The following ZNF532 variants were observed in gnomAD, a reference collection of about 807,000 sequenced individuals.
The protein encoded by ZNF532 is zinc finger protein 532.
A neutral mutation model predicts 89.3 loss-of-function variants in ZNF532; 22 were observed. That is an observed-to-expected ratio of 0.25 (90% CI 0.18 to 0.35). The LOEUF (loss-of-function observed/expected upper bound fraction) is 0.35. Ranked by LOEUF, ZNF532 falls within the 10% of genes least tolerant of loss-of-function variation. The pLI is 1.00. For missense variants in ZNF532, 1,132 were observed against 1,643.4 expected (o/e 0.69, Z 5.38); for synonymous variants, 606 against 649.6 (o/e 0.93, Z 1.02).
At chr18:58,874,621 G>A (rs1238755021) in intron 2 of ZNF532, among the ~76,000 whole-genome samples, 1 of 152,200 alleles carries the variant, frequency 6.6e-6, no homozygotes, top group East Asian at 1.9e-4. Flanking sequence ...GATTACAGGC[G>A]TGAGCCACTG....
chr18:58,931,809 G>T (rs906639064), intron 3 of ZNF532: 1 of 152,036 alleles, frequency 6.6e-6, no homozygotes, highest in African/African-American at 2.4e-5. Flanking sequence ...GTGTGGTGGC[G>T]TGTGCCTGTG....
intron 2 of ZNF532, among the ~76,000 whole-genome samples, chr18:58,880,758 G>A (rs1254108818): frequency 1.5e-5 from 2 of 137,566 alleles, no homozygotes; most frequent in African/African-American, 6.2e-5. Context: ...ATAGGCGCGC[G>A]CGCACGCGCG....
intron 7 of ZNF532, among the ~76,000 whole-genome samples, chr18:58,967,198 A>G (rs903905613): frequency 1.3e-5 from 2 of 152,164 alleles, no homozygotes; most frequent in Non-Finnish European, 2.9e-5. Flanking sequence ...GAGGGTCCCC[A>G]ACAGAACCAA....
At chr18:58,927,452 T>G (rs904988247) in intron 3 of ZNF532, among the ~76,000 whole-genome samples, 3 of 152,090 alleles carry the variant, frequency 2.0e-5, no homozygotes, top group Non-Finnish European at 4.4e-5. Flanking sequence ...TTGGGAATTT[T>G]TTTTTGTCTC....
intron 2 of ZNF532, among the ~76,000 whole-genome samples, chr18:58,884,205 C>G (rs1279399228): frequency 6.6e-6 from 1 of 152,210 alleles, no homozygotes; most frequent in Non-Finnish European, 1.5e-5. Context: ...ATGGTGAAAC[C>G]CTGTCTCTAC....
intron 2 of ZNF532, among the ~76,000 whole-genome samples, chr18:58,901,180 C>G (rs1432562846): frequency 1.3e-5 from 2 of 152,150 alleles, no homozygotes; most frequent in Non-Finnish European, 2.9e-5. Flanking sequence ...TCTGTTTGAC[C>G]TGAACTTCTC....
Position 58,872,337 on chromosome 18 carries a change from C to G in ZNF532, c.-18+6758C>G, listed in dbSNP as rs903166124. 3.9e-5 allele frequency among the ~76,000 whole-genome samples: 6 copies of G among 152,160 alleles called. No individual in the cohort carries two copies. The East Asian group carries it at 9.6e-4, about 24-fold the overall frequency. Reference sequence around the variant, plus strand: ...TCTTGAACTGTTTTCTTACCATCAGCCTTTGCATTTTGGGACACAAACTCC... The same window carrying G: ...TCTTGAACTGTTTTCTTACCATCAGGCTTTGCATTTTGGGACACAAACTCC... On this transcript the variant is annotated intron_variant, in intron 2 of 9. Transcript: ENST00000591808.
intron 9 of ZNF532, among the ~76,000 whole-genome samples, chr18:58,982,677 A>T (rs1375182512): frequency 6.6e-6 from 1 of 152,222 alleles, no homozygotes; most frequent in Non-Finnish European, 1.5e-5. Context: ...CTTCGGTGCT[A>T]TGCTAGATCT....
At chr18:58,916,358 T>C (rs1448150683) in intron 2 of ZNF532, among the ~76,000 whole-genome samples, 2 of 152,216 alleles carry the variant, frequency 1.3e-5, no homozygotes, top group East Asian at 3.8e-4. Flanking sequence ...AAAACCATAA[T>C]CACAGACTTT....
chr18:58,950,198 G>A (rs1243943473), intron 6 of ZNF532, among the ~76,000 whole-genome samples: 1 of 152,116 alleles, frequency 6.6e-6, no homozygotes. Flanking sequence ...TCTGGAAGTC[G>A]GGTCATCGAC....
At chr18:58,944,257 C>T (rs951268202) in intron 5 of ZNF532, among the ~76,000 whole-genome samples, 1 of 152,122 alleles carries the variant, frequency 6.6e-6, no homozygotes, top group African/African-American at 2.4e-5. Context: ...TTGAAGTATT[C>T]TGGAGAGTTT....
chr18:58,943,158 C>CTTTTTT (rs11289347), intron 5 of ZNF532, among the ~76,000 whole-genome samples: 3 of 123,102 alleles, frequency 2.4e-5, no homozygotes, highest in Non-Finnish European at 5.0e-5. Context: ...ATTACTATAT[C>CTTTTTT]TTTTTTTTTT....
intron 2 of ZNF532, among the ~76,000 whole-genome samples, chr18:58,870,601 C>G (rs1440599809): frequency 6.6e-6 from 1 of 152,068 alleles, no homozygotes; most frequent in African/African-American, 2.4e-5. Context: ...TACAAAGGTC[C>G]TGTGGCAGCC....
At chr18:58,891,010 C>T (rs2058859196) in intron 2 of ZNF532, among the ~76,000 whole-genome samples, 1 of 152,062 alleles carries the variant, frequency 6.6e-6, no homozygotes, top group Non-Finnish European at 1.5e-5. Flanking sequence ...ATCGGGCTAA[C>T]TGGGTTCAAG....
chr18:58,923,211 C>T (rs1042432726), intron 3 of ZNF532, among the ~76,000 whole-genome samples: 8 of 151,942 alleles, frequency 5.3e-5, no homozygotes, highest in South Asian at 4.2e-4. Context: ...CAGCGAAGGG[C>T]GTTGGTTTGT....
chr18:58,964,535 T>TTGTG (rs200298951), intron 7 of ZNF532, among the ~76,000 whole-genome samples: 1,942 of 138,606 alleles, frequency 0.014, 14 homozygotes, highest in Admixed American at 0.023. Flanking sequence ...GATATTTTGT[T>TTGTG]TGTGTGTGTG....
intron 5 of ZNF532, among the ~76,000 whole-genome samples, chr18:58,946,146 A>G (rs751382107): frequency 6.3e-4 from 96 of 152,256 alleles, no homozygotes; most frequent in Non-Finnish European, 1.3e-3. Context: ...TGACAATCCT[A>G]TGCCTTCTCT....
Position 58,934,382 on chromosome 18 carries a change from T to G in ZNF532, c.2347-51T>G, listed in dbSNP as rs761229780. The G allele has an allele frequency of 5.2e-6, 8 of 1,533,294 alleles. No homozygotes were observed. The Admixed American group carries it at 1.5e-4, about 28-fold the overall frequency. The allele number at this position is 1,533,294 out of a possible 1,614,324, so 95.0% of individuals were successfully genotyped here. A position where few individuals can be genotyped will look rare whatever the true frequency, so the allele number is the denominator to read the frequency against. On this transcript the variant is annotated intron_variant, in intron 3 of 9. Coordinates refer to ENST00000591808, the MANE Select transcript of ZNF532 (RefSeq NM_001375912.1). Reference sequence around the variant, plus strand: ...AGGTTTAACCAAGGTTCTTTGCATATTAGAAAGTACTTAGTAGGACCAACC... The same window carrying G: ...AGGTTTAACCAAGGTTCTTTGCATAGTAGAAAGTACTTAGTAGGACCAACC...
intron 7 of ZNF532, among the ~76,000 whole-genome samples, chr18:58,968,547 T>G (rs1270487351): frequency 6.6e-6 from 1 of 152,210 alleles, no homozygotes; most frequent in Non-Finnish European, 1.5e-5. Context: ...TCCCTGAACC[T>G]TCTCCCTTGT....
Sources: gnomAD v4.1 joint callset for allele counts (sites outside exome capture counted in the v4.1 genomes callset) on GRCh38, gnomAD v4.1.1 for gene constraint, MANE v1.5 for transcripts, NCBI Gene and HGNC (gene_info 2026-07-23, HGNC 2026-07-21) for gene names.